The following ATP6V0A2 variants were observed in gnomAD, a reference collection of about 807,000 sequenced individuals.
The protein encoded by ATP6V0A2 is ATPase H+ transporting V0 subunit a2.
In ATP6V0A2, 58 loss-of-function variants were observed where a neutral mutation model predicts 104.4. The observed-to-expected ratio is 0.56, with a 90% CI of 0.45 to 0.69. ATP6V0A2 has a LOEUF of 0.69. Among genes scored for constraint, ATP6V0A2 ranks in the 30% least tolerant of loss-of-function variants. The pLI, the probability that ATP6V0A2 is intolerant of heterozygous loss-of-function variation, is 0.00. For missense variants in ATP6V0A2, 938 were observed against 1,062.9 expected, an observed-to-expected ratio of 0.88 and a Z score of 1.63; for synonymous variants, 376 against 397.9, an observed-to-expected ratio of 0.95 and a Z score of 0.65.
intron 3 of ATP6V0A2, 60 bp downstream of exon 3, chr12:123,722,508 T>C: frequency 1.0e-6 from 1 of 954,594 alleles, no homozygotes; most frequent in Non-Finnish European, 1.7e-6. Flanking sequence ...CTTACTTACT[T>C]ATTTCATGTT....
chr12:123,718,566 C>A, intron 1 of ATP6V0A2, 57 bp from the exon 2 acceptor site: 1 of 1,310,344 alleles, frequency 7.6e-7, no homozygotes, highest in Non-Finnish European at 1.1e-6. Flanking sequence ...TTATTTTTTA[C>A]ATAAAAGTAT....
At chr12:123,748,828 C>T in intron 15 of ATP6V0A2, 43 bp downstream of exon 15, 1 of 1,546,930 alleles carries the variant, frequency 6.5e-7, no homozygotes, top group Middle Eastern at 1.7e-4. Context: ...GGAAGTATTC[C>T]CAATAGTCTT....
intron 15 of ATP6V0A2, 48 bp from the exon 16 acceptor site, chr12:123,751,062 G>T: frequency 6.2e-7 from 1 of 1,613,392 alleles, no homozygotes; most frequent in African/African-American, 1.3e-5. Context: ...TGACCCTGCA[G>T]GCAGGCCTTC....
rs1177137274 is a variant in ATP6V0A2 at position 123,760,724 on chromosome 12, G to A, written c.*2692G>A. 2.0e-5 allele frequency: 3 copies of A among 152,128 alleles called. No homozygotes were observed. The highest frequency in any genetic ancestry group is 4.4e-5 in the Non-Finnish European group (3 of 68,040). 9.4% of individuals were successfully genotyped at this position (152,128 alleles called of 1,614,324 possible). ...ACCTGCTGGGCTGGAGACTGTAATT[G>A]CCGTGGTCAGTTAAGGAGTGCAAAG... On this transcript the variant is annotated 3_prime_UTR_variant, in exon 20 of 20. Transcript: ENST00000330342.
intron 7 of ATP6V0A2, among the ~76,000 whole-genome samples, chr12:123,735,288 G>A (rs984884184): frequency 1.3e-5 from 2 of 152,086 alleles, no homozygotes; most frequent in African/African-American, 4.8e-5. Flanking sequence ...GAGCTTCCAG[G>A]AATCATTGAG....
rs1956822411 is a variant in ATP6V0A2 at position 123,761,411 on chromosome 12, A to G, written c.*3379A>G. 6.6e-6 allele frequency: 1 copy of G among 152,266 alleles called. No homozygotes were observed. Among genetic ancestry groups the G allele is most frequent in the African/African-American group, 2.4e-5 (1 of 41,476 alleles). 9.4% of individuals were successfully genotyped at this position (152,266 alleles called of 1,614,324 possible). On this transcript the variant is annotated 3_prime_UTR_variant, in exon 20 of 20. Transcript: ENST00000330342. The stretch of plus-strand genomic sequence containing the variant: ...CGGGTTTGCTTGCGTGCCACAGGGA[A>G]TATATCCAGGAAGGTTATTATGAAG...
chr12:123,727,562 C>T (rs1003818490), intron 5 of ATP6V0A2, among the ~76,000 whole-genome samples: 1 of 152,160 alleles, frequency 6.6e-6, no homozygotes, highest in Non-Finnish European at 1.5e-5. Flanking sequence ...CAGGCATGAG[C>T]CACTGTGCCC....
At position 123,717,260 on chromosome 12, in the gene ATP6V0A2, A is replaced by G. The variant is rs1956350877; in HGVS notation, c.118-1363A>G. Among the ~76,000 whole-genome samples, 3 of 147,826 alleles carry G rather than the reference A, an allele frequency of 2.0e-5. No homozygotes were observed. In the South Asian group the frequency reaches 6.4e-4, roughly 32 times the overall value. On this transcript the variant is annotated intron_variant, in intron 1 of 19. Coordinates refer to ENST00000330342, the MANE Select transcript of ATP6V0A2 (RefSeq NM_012463.4). ...AACCTGGAAGGCGAAGGTTGCAGTGAGCCAAGATACTGCCAGTACGTTCCA... is the reference window on the plus strand; with the variant it reads ...AACCTGGAAGGCGAAGGTTGCAGTGGGCCAAGATACTGCCAGTACGTTCCA...
chr12:123,723,167 C>G (rs1364178383), intron 3 of ATP6V0A2: 1 of 152,466 alleles, frequency 6.6e-6, no homozygotes, highest in African/African-American at 2.4e-5. Context: ...TCTTTCATTA[C>G]TTGGTGCAGG....
intron 19 of ATP6V0A2, among the ~76,000 whole-genome samples, chr12:123,757,396 A>G (rs1956775156): frequency 6.6e-6 from 1 of 151,552 alleles, no homozygotes; most frequent in Admixed American, 6.6e-5. Flanking sequence ...AGCCGAGATC[A>G]TGCCATTTTA....
At chr12:123,751,880 G>A (rs1345029664) in intron 16 of ATP6V0A2, among the ~76,000 whole-genome samples, 8 of 92,986 alleles carry the variant, frequency 8.6e-5, no homozygotes, top group Non-Finnish European at 1.5e-4. Flanking sequence ...TTTTTTTTGA[G>A]ACTGGAGTCT....
rs1054398152 is a variant in ATP6V0A2, at chr12:123,744,396, A to G, written c.1326+59A>G. The G allele has an allele frequency of 3.8e-5, 61 of 1,608,500 alleles. No homozygotes were observed. Among genetic ancestry groups the G allele is most frequent in the Non-Finnish European group, 4.9e-5 (58 of 1,175,262 alleles). ...GTTAGGTGGCATTAGCAGTGACCGA[A>G]AGAGAGACACCTCTTAGATGTTTGC... On this transcript the variant is annotated intron_variant, in intron 11 of 19. Coordinates refer to ENST00000330342, the MANE Select transcript of ATP6V0A2 (RefSeq NM_012463.4). This position sits in a 1 kb window ranked among gnomAD's most constrained non-coding sequence, Gnocchi z 5.4.
rs776455833 is a variant in ATP6V0A2, at chr12:123,712,655, C to G, written c.90C>G (p.Gly30=). 11 of 1,609,796 alleles carry G rather than the reference C, an allele frequency of 6.8e-6. No homozygotes were observed. In the African/African-American group the frequency reaches 1.5e-4, roughly 22 times the overall value. ...GTAYECLSAL[G]EKGLVQFRDL... is the part of the protein sequence containing the mutation. ...CCTACGAGTGCCTCAGCGCCCTGGG[C>G]GAGAAAGGCCTGGTCCAGTTCCGAG... Residue 30 remains glycine (G), a synonymous_variant, in exon 1 of 20, where the codon GGC becomes GGG. Transcript: ENST00000330342.
At chr12:123,727,011 C>A (rs1301045977) in intron 5 of ATP6V0A2, among the ~76,000 whole-genome samples, 3 of 152,130 alleles carry the variant, frequency 2.0e-5, no homozygotes, top group Admixed American at 2.0e-4. Flanking sequence ...CATCTAGAAC[C>A]AAAATAGAAA....
chr12:123,751,944 T>C (rs1002887149), intron 16 of ATP6V0A2, among the ~76,000 whole-genome samples: 4 of 146,482 alleles, frequency 2.7e-5, no homozygotes, highest in East Asian at 2.1e-4. Flanking sequence ...TACTGCAACC[T>C]CTGCCCTCCG....
intron 1 of ATP6V0A2, 148 bp downstream of exon 1, chr12:123,712,830 C>G: frequency 1.3e-6 from 1 of 779,918 alleles, no homozygotes; most frequent in Non-Finnish European, 2.1e-6. Context: ...CCCAGCTCAG[C>G]GGCCAAAGCT....
At chr12:123,718,317 C>T (rs1042970343) in intron 1 of ATP6V0A2, among the ~76,000 whole-genome samples, 2 of 151,808 alleles carry the variant, frequency 1.3e-5, no homozygotes, top group Admixed American at 6.6e-5. Flanking sequence ...CTTGAACTCC[C>T]GACCTCAAGT....
chr12:123,752,815 T>C (rs1956728127), intron 17 of ATP6V0A2, among the ~76,000 whole-genome samples: 1 of 152,202 alleles, frequency 6.6e-6, no homozygotes. Flanking sequence ...TCAGGATAAT[T>C]ACAGTTTTGG....
At chr12:123,730,416 T>C (rs1460263153) in intron 6 of ATP6V0A2, among the ~76,000 whole-genome samples, 1 of 152,174 alleles carries the variant, frequency 6.6e-6, no homozygotes, top group East Asian at 1.9e-4. Context: ...CTCAAAGTGC[T>C]GTGATTACAG....
Sources: gnomAD v4.1 joint callset for allele counts (sites outside exome capture counted in the v4.1 genomes callset) on GRCh38, gnomAD v4.1.1 for gene constraint, Gnocchi (gnomAD v3.1) non-coding constraint, MANE v1.5 for transcripts, NCBI Gene and HGNC (gene_info 2026-07-23, HGNC 2026-07-21) for gene names.